The following RNF150 variants were observed in gnomAD, a reference collection of about 807,000 sequenced individuals.
RNF150 encodes the protein ring finger protein 150.
A neutral mutation model predicts 39.3 loss-of-function variants in RNF150; 24 were observed. The observed-to-expected ratio is 0.61, with a 90% confidence interval of 0.44 to 0.86. The LOEUF is 0.86. Ranked by LOEUF, RNF150 falls within the 40% of genes least tolerant of loss-of-function variation. RNF150 has a pLI of 0.00. For synonymous variants in RNF150, 255 were observed against 227.3 expected, an observed-to-expected ratio of 1.12 and a Z score of -1.10; for missense variants, 502 against 587.8, an observed-to-expected ratio of 0.85 and a Z score of 1.51.
Position 140,863,321 on chromosome 4 carries a change from G to A in RNF150, c.*4940C>T, listed in dbSNP as rs778125837. ...GAAAACATTTATGGCAAGGAAGCCT[G>A]AAAACATGGCAATGGTTGTAAGATG... is the stretch of plus-strand genomic sequence containing the variant. On this transcript the variant is annotated 3_prime_UTR_variant, in exon 7 of 7. Coordinates refer to ENST00000515673, the MANE Select transcript of RNF150 (RefSeq NM_020724.2). 2 of 152,178 alleles carry A rather than the reference G, an allele frequency of 1.3e-5. No individual in the cohort carries two copies. The highest frequency in any genetic ancestry group is 2.9e-5 in the Non-Finnish European group (2 of 68,024). The allele number at this position is 152,178 out of a possible 1,614,324, so 9.4% of individuals were successfully genotyped here. A position where few individuals can be genotyped will look rare whatever the true frequency, so the allele number is the denominator to read the frequency against.
At position 140,865,702 on chromosome 4, in the gene RNF150, C is replaced by T. The variant is rs946878140; in HGVS notation, c.*2559G>A. 13 of 152,674 alleles carry T rather than the reference C, an allele frequency of 8.5e-5. No homozygotes were observed. Among genetic ancestry groups the T allele is most frequent in the African/African-American group, 2.9e-4 (12 of 41,550 alleles). The allele number at this position is 152,674 out of a possible 1,614,324, so 9.5% of individuals were successfully genotyped here. A position where few individuals can be genotyped will look rare whatever the true frequency, so the allele number is the denominator to read the frequency against. On this transcript the variant is annotated 3_prime_UTR_variant, in exon 7 of 7. Coordinates refer to ENST00000515673, the MANE Select transcript of RNF150 (RefSeq NM_020724.2). ...CAGCCTCGGGTTGGCCTTTCAGACC[C>T]CTCATCGTCTATGAGGCATCCTGTA...
chr4:140,928,313 G>C (rs2111326901), intron 4 of RNF150, among the ~76,000 whole-genome samples: 1 of 152,124 alleles, frequency 6.6e-6, no homozygotes, highest in Non-Finnish European at 1.5e-5. Flanking sequence ...TCAGGGAAGG[G>C]CTCCCTAACA....
At chr4:140,971,068 T>C (rs1454845957) in intron 1 of RNF150, among the ~76,000 whole-genome samples, 1 of 152,134 alleles carries the variant, frequency 6.6e-6, no homozygotes, top group East Asian at 1.9e-4. Flanking sequence ...CTTATTCTGA[T>C]GAATGCACAA....
At chr4:140,967,289 T>G (rs1461970172) in intron 2 of RNF150, among the ~76,000 whole-genome samples, 1 of 152,160 alleles carries the variant, frequency 6.6e-6, no homozygotes, top group African/African-American at 2.4e-5. Context: ...CTTTTTTTTC[T>G]TCTGTTCACA....
chr4:140,968,019 T>G, intron 1 of RNF150, 146 bp from the exon 2 acceptor site: 1 of 639,422 alleles, frequency 1.6e-6, no homozygotes, highest in Non-Finnish European at 2.6e-6. Context: ...GACCTAATAC[T>G]TAGAAACCAA....
chr4:141,034,404 C>T (rs895258921), intron 1 of RNF150, among the ~76,000 whole-genome samples: 3 of 152,144 alleles, frequency 2.0e-5, no homozygotes, highest in African/African-American at 7.2e-5. Flanking sequence ...CTACCTAGAC[C>T]ACTCAAACTT....
chr4:141,198,217 C>T (rs771886157), intron 1 of RNF150, among the ~76,000 whole-genome samples: 15 of 151,690 alleles, frequency 9.9e-5, no homozygotes, highest in African/African-American at 1.7e-4. Context: ...AGTAGAGACG[C>T]GGTTTCACCA....
intron 4 of RNF150, among the ~76,000 whole-genome samples, chr4:140,929,807 C>T (rs1731553595): frequency 6.6e-6 from 1 of 152,112 alleles, no homozygotes; most frequent in African/African-American, 2.4e-5. Flanking sequence ...AGGGGATTAT[C>T]CTCAACAATC....
rs146649604 is a variant in RNF150, at chr4:141,117,658, T to C, written c.484+14667A>G. Among the ~76,000 whole-genome samples, 447 of 152,338 alleles carry C rather than the reference T, an allele frequency of 2.9e-3. 9 individuals carry two copies. Among genetic ancestry groups the C allele is most frequent in the African/African-American group, 0.01 (425 of 41,580 alleles). On this transcript the variant is annotated intron_variant, in intron 1 of 6. Transcript: ENST00000515673. ...TATGTCCACATCATTAAGCAATGCATGACTATGTAAGAAATAGCTCTGGAT... is the reference window on the plus strand; with the variant it reads ...TATGTCCACATCATTAAGCAATGCACGACTATGTAAGAAATAGCTCTGGAT...
chr4:141,186,738 T>C (rs962880645), intron 1 of RNF150, among the ~76,000 whole-genome samples: 1 of 152,132 alleles, frequency 6.6e-6, no homozygotes, highest in Non-Finnish European at 1.5e-5. Flanking sequence ...TATTTGATTC[T>C]TCTCTCTCTT....
At chr4:140,993,559 T>A (rs1315772188) in intron 1 of RNF150, among the ~76,000 whole-genome samples, 1 of 152,186 alleles carries the variant, frequency 6.6e-6, no homozygotes, top group Admixed American at 6.5e-5. Flanking sequence ...GGCATGCAAC[T>A]ACAGCCAGGT....
intron 1 of RNF150, among the ~76,000 whole-genome samples, chr4:141,165,409 G>C (rs1727583585): frequency 6.6e-6 from 1 of 152,088 alleles, no homozygotes; most frequent in Non-Finnish European, 1.5e-5. Context: ...AATTCACAAG[G>C]ATATTCAGGA....
intron 1 of RNF150, among the ~76,000 whole-genome samples, chr4:141,198,154 T>C (rs1375665199): frequency 6.6e-6 from 1 of 151,332 alleles, no homozygotes; most frequent in Non-Finnish European, 1.5e-5. Flanking sequence ...GCCTCCTGAG[T>C]AGCTGGGATT....
chr4:141,102,732 G>A (rs780301533), intron 1 of RNF150, among the ~76,000 whole-genome samples: 1 of 152,172 alleles, frequency 6.6e-6, no homozygotes, highest in Admixed American at 6.5e-5. Context: ...CTACACAGCT[G>A]TGGGCAAGAT....
At chr4:140,971,373 G>T (rs540939667) in intron 1 of RNF150, among the ~76,000 whole-genome samples, 71 of 152,080 alleles carry the variant, frequency 4.7e-4, no homozygotes, top group Non-Finnish European at 9.1e-4. Flanking sequence ...ACATTCCAAG[G>T]CTCAGGGAAA....
At chr4:140,904,426 G>A (rs1730303053) in intron 6 of RNF150, among the ~76,000 whole-genome samples, 1 of 152,158 alleles carries the variant, frequency 6.6e-6, no homozygotes, top group Admixed American at 6.5e-5. Context: ...AATCTTATAG[G>A]CACCAAGGGA....
chr4:140,970,830 G>T (rs1435589379), intron 1 of RNF150, among the ~76,000 whole-genome samples: 1 of 152,044 alleles, frequency 6.6e-6, no homozygotes, highest in African/African-American at 2.4e-5. Flanking sequence ...CTGTTCATCT[G>T]AGCTTCAACC....
chr4:141,016,861 C>A (rs531597929), intron 1 of RNF150, among the ~76,000 whole-genome samples: 2 of 152,300 alleles, frequency 1.3e-5, no homozygotes, highest in Admixed American at 1.3e-4. Context: ...CTTCTTTCGG[C>A]CCAGTTCTGC....
intron 1 of RNF150, among the ~76,000 whole-genome samples, chr4:141,193,854 C>A (rs891515099): frequency 6.6e-6 from 1 of 152,204 alleles, no homozygotes; most frequent in Non-Finnish European, 1.5e-5. Flanking sequence ...CACAAGCTGG[C>A]TATCCAATTT....
Sources: gnomAD v4.1 joint callset for allele counts (sites outside exome capture counted in the v4.1 genomes callset) on GRCh38, gnomAD v4.1.1 for gene constraint, MANE v1.5 for transcripts, NCBI Gene and HGNC (gene_info 2026-07-23, HGNC 2026-07-21) for gene names.